The following NHSL1 variants were observed in gnomAD, a reference collection of about 807,000 sequenced individuals.
NHSL1 encodes the protein NHS-like protein 1.
NHSL1 carries 48 observed loss-of-function variants against 95.0 expected under a neutral mutation model. The ratio of observed to expected loss-of-function variants is 0.51; its 90% CI spans 0.40 to 0.64. The LOEUF (loss-of-function observed/expected upper bound fraction) is 0.64, where lower values mean the gene tolerates loss of function less well. Among genes scored for constraint, NHSL1 ranks in the 30% least tolerant of loss-of-function variants. The pLI is 0.00. For synonymous variants in NHSL1, 783 were observed against 833.9 expected (o/e 0.94, Z 1.05); for missense variants, 1,971 against 2,077.7 (o/e 0.95, Z 1.00).
At chr6:138,463,656 T>A (rs1778149310) in intron 3 of NHSL1, among the ~76,000 whole-genome samples, 1 of 152,186 alleles carries the variant, frequency 6.6e-6, no homozygotes, top group African/African-American at 2.4e-5. Flanking sequence ...AAGCCCCACA[T>A]GCATTAGGTA....
upstream of NHSL1, chr6:138,499,500 A>T (rs1583309781): frequency 1.7e-6 from 2 of 1,144,690 alleles, no homozygotes; most frequent in Non-Finnish European, 2.3e-6. Context: ...AACCTGAAAA[A>T]CTCCTACTGA....
At chr6:138,641,586 G>A (rs952322169) in intron 1 of NHSL1, among the ~76,000 whole-genome samples, 13 of 137,780 alleles carry the variant, frequency 9.4e-5, no homozygotes, top group Non-Finnish European at 1.4e-4. Flanking sequence ...TCGTGCCACC[G>A]CACTCCAGCC....
At chr6:138,605,278 T>G (rs1396172793) in intron 1 of NHSL1, among the ~76,000 whole-genome samples, 1 of 152,168 alleles carries the variant, frequency 6.6e-6, no homozygotes, top group African/African-American at 2.4e-5. Flanking sequence ...TAGGCTGGAG[T>G]GCAGTGGTAT....
chr6:138,430,768 G>A lies in NHSL1; in HGVS notation c.3577C>T (p.Pro1193Ser), dbSNP rs1409652116. The A allele has an allele frequency of 1.3e-6, 2 of 1,551,696 alleles. No homozygotes were observed. Among genetic ancestry groups the A allele is most frequent in the South Asian group, 2.4e-5 (2 of 84,054 alleles). The change falls in exon 6 of 8, where the codon CCC becomes TCC. Residue 1193 changes from proline to serine, a missense_variant. Physicochemically the swap from Pro to Ser is moderately conservative, Grantham distance 74. Coordinates refer to ENST00000343505, the MANE Select transcript of NHSL1 (RefSeq NM_001144060.2). This position sits in a 1 kb window ranked among gnomAD's most constrained non-coding sequence, Gnocchi z 4.7. ...LPDSSPSRKP[P>S]PISKKPKLFL... is the part of the protein sequence containing the mutation. ...AGTTTGGGCTTCTTGGAAATGGGGG[G>A]TGGCTTCCTGCTGGGTGAAGAGTCT...
chr6:138,473,201 T>G (rs1778861458), intron 3 of NHSL1, 105 bp downstream of exon 3: 1 of 1,010,290 alleles, frequency 9.9e-7, no homozygotes. Flanking sequence ...ACAATACTAT[T>G]GATTAAAATA....
chr6:138,639,641 C>CA (rs1225019773), intron 1 of NHSL1, among the ~76,000 whole-genome samples: 7,807 of 116,112 alleles, frequency 0.067, 595 homozygotes, highest in African/African-American at 0.2. Context: ...GACTCCGTCT[C>CA]AAAAAAAAAA....
At chr6:138,508,603 A>G (rs1347877690) in intron 1 of NHSL1, among the ~76,000 whole-genome samples, 1 of 152,200 alleles carries the variant, frequency 6.6e-6, no homozygotes, top group African/African-American at 2.4e-5. Flanking sequence ...AGTAAGGGCC[A>G]GTGAGGTGAG....
At chr6:138,673,646 C>T (rs1409948644) in intron 1 of NHSL1, among the ~76,000 whole-genome samples, 2 of 152,144 alleles carry the variant, frequency 1.3e-5, no homozygotes, top group African/African-American at 2.4e-5. Context: ...AATGTGACCT[C>T]TCATTACTTA....
chr6:138,622,444 C>G (rs1321564017), intron 1 of NHSL1, among the ~76,000 whole-genome samples: 3 of 152,066 alleles, frequency 2.0e-5, no homozygotes, highest in African/African-American at 7.2e-5. Flanking sequence ...CAAGATCGTA[C>G]CACTGCACTC....
At chr6:138,682,694 G>A (rs371636898) in intron 1 of NHSL1, among the ~76,000 whole-genome samples, 28 of 152,058 alleles carry the variant, frequency 1.8e-4, no homozygotes, top group Non-Finnish European at 3.4e-4. Context: ...CCTCACACAC[G>A]GCCTAGATGG....
At chr6:138,672,466 G>GA (rs1168562857) in intron 1 of NHSL1, among the ~76,000 whole-genome samples, 1 of 151,824 alleles carries the variant, frequency 6.6e-6, no homozygotes, top group Non-Finnish European at 1.5e-5. Context: ...TATAACCCAG[G>GA]AAAAAATTTT....
At chr6:138,545,910 G>A (rs888545299), upstream of NHSL1, 20 of 831,336 alleles carry the variant, frequency 2.4e-5, no homozygotes, top group Admixed American at 6.2e-5. Flanking sequence ...AGCAGTCACC[G>A]TTCATATAGT....
chr6:138,665,511 C>T (rs767178766), intron 1 of NHSL1, among the ~76,000 whole-genome samples: 1 of 152,202 alleles, frequency 6.6e-6, no homozygotes, highest in Non-Finnish European at 1.5e-5. Context: ...GTCCTTTGCA[C>T]TTTACCAGCA....
intron 1 of NHSL1, among the ~76,000 whole-genome samples, chr6:138,615,116 T>G (rs1222664665): frequency 1.3e-5 from 2 of 152,030 alleles, no homozygotes; most frequent in East Asian, 3.9e-4. Context: ...GCTTGCAAAA[T>G]TATGGAAACC....
intron 1 of NHSL1, among the ~76,000 whole-genome samples, chr6:138,620,274 C>T (rs1157366381): frequency 6.6e-6 from 1 of 152,096 alleles, no homozygotes; most frequent in East Asian, 1.9e-4. Flanking sequence ...TGGTCTGAAA[C>T]AATTTGTCAA....
intron 1 of NHSL1, among the ~76,000 whole-genome samples, chr6:138,509,992 T>C (rs576464454): frequency 2.0e-5 from 3 of 152,346 alleles, no homozygotes; most frequent in African/African-American, 7.2e-5. Context: ...CTGATGAAGA[T>C]TCTGAAATCA....
At chr6:138,576,674 G>C (rs1019854104), upstream of NHSL1, among the ~76,000 whole-genome samples, 6 of 152,224 alleles carry the variant, frequency 3.9e-5, no homozygotes, top group Non-Finnish European at 1.5e-5. Context: ...CTCTGTGGAA[G>C]GGCTTTGTCG....
At chr6:138,471,976 C>T (rs1778781012) in intron 3 of NHSL1, among the ~76,000 whole-genome samples, 1 of 143,072 alleles carries the variant, frequency 7.0e-6, no homozygotes, top group African/African-American at 2.6e-5. Flanking sequence ...GTCAGGAATT[C>T]AAGACCACCA....
chr6:138,608,089 T>C lies in NHSL1; in HGVS notation c.96+84387A>G, dbSNP rs541660822. Among the ~76,000 whole-genome samples, 13 of 152,336 alleles carry C rather than the reference T, an allele frequency of 8.5e-5. No homozygotes were observed. The South Asian group carries it at 2.3e-3, about 27-fold the overall frequency. ...AGCAGGGAACACTCTTCTGCAACAG[T>C]GAGCCCCAACAAAAGAATTCTAGAC... On this transcript the variant is annotated intron_variant, in intron 1 of 3. Transcript: ENST00000491526.
Sources: gnomAD v4.1 joint callset for allele counts (sites outside exome capture counted in the v4.1 genomes callset) on GRCh38, gnomAD v4.1.1 for gene constraint, Gnocchi (gnomAD v3.1) non-coding constraint, MANE v1.5 for transcripts, NCBI Gene and HGNC (gene_info 2026-07-23, HGNC 2026-07-21) for gene names.